The following PON3 variants were observed in gnomAD, a reference collection of about 807,000 sequenced individuals.
PON3 encodes serum paraoxonase/lactonase 3.
Under a neutral mutation model 36.3 loss-of-function variants are expected in PON3, and 37 were observed. The ratio of observed to expected loss-of-function variants is 1.02; its 90% confidence interval spans 0.78 to 1.34. The LOEUF is 1.34. Among genes scored for constraint, PON3 ranks in the 40% most tolerant of loss-of-function variants. The pLI, the probability that PON3 is intolerant of heterozygous loss-of-function variation, is 0.00. For missense variants in PON3, 415 were observed against 426.5 expected (o/e 0.97, Z 0.24); for synonymous variants, 155 against 154.8 (o/e 1.00, Z -0.01).
intron 3 of PON3, among the ~76,000 whole-genome samples, chr7:95,381,553 C>T (rs1014003977): frequency 6.6e-6 from 1 of 152,084 alleles, no homozygotes; most frequent in East Asian, 1.9e-4. Context: ...GGTTGCAATC[C>T]TAGTCTCTGA....
intron 8 of PON3, 106 bp downstream of exon 8, chr7:95,362,256 T>C: frequency 6.8e-7 from 1 of 1,464,060 alleles, no homozygotes; most frequent in East Asian, 2.3e-5. Flanking sequence ...TAAAATTTCT[T>C]TAGTTCTATA....
intron 4 of PON3, 34 bp downstream of exon 4, chr7:95,372,139 A>C: frequency 6.3e-7 from 1 of 1,599,048 alleles, no homozygotes; most frequent in Non-Finnish European, 8.6e-7. Flanking sequence ...TATTTCCCTC[A>C]TTTCCCCCTT....
chr7:95,391,395 A>G (rs1347491907), intron 2 of PON3, among the ~76,000 whole-genome samples: 2 of 152,236 alleles, frequency 1.3e-5, no homozygotes, highest in African/African-American at 4.8e-5. Flanking sequence ...TGCAGCTTTG[A>G]TTAGATGTCA....
At chr7:95,380,452 G>GA (rs1313169486) in intron 3 of PON3, among the ~76,000 whole-genome samples, 2 of 152,050 alleles carry the variant, frequency 1.3e-5, no homozygotes, top group African/African-American at 2.4e-5. Flanking sequence ...TAAAAACCTT[G>GA]AAAAAAGATT....
At chr7:95,372,461 G>A (rs1286335758) in intron 3 of PON3, 123 bp from the exon 4 acceptor site, 10 of 1,098,838 alleles carry the variant, frequency 9.1e-6, no homozygotes, top group African/African-American at 1.6e-5. Flanking sequence ...TAGATTACTG[G>A]GCTTTTTCAC....
intron 6 of PON3, among the ~76,000 whole-genome samples, chr7:95,363,081 G>C (rs1409231270): frequency 1.3e-5 from 2 of 151,648 alleles, no homozygotes; most frequent in African/African-American, 4.8e-5. Flanking sequence ...ACATATATAG[G>C]CTCAATCTTA....
intron 3 of PON3, among the ~76,000 whole-genome samples, chr7:95,376,603 T>G (rs1284494092): frequency 6.6e-6 from 1 of 151,808 alleles, no homozygotes; most frequent in African/African-American, 2.4e-5. Context: ...ATATACTTCC[T>G]GTATAGCAAT....
chr7:95,367,867 T>A (rs1270413462), intron 4 of PON3, among the ~76,000 whole-genome samples: 1 of 152,214 alleles, frequency 6.6e-6, no homozygotes, highest in African/African-American at 2.4e-5. Flanking sequence ...CAAACAAAAC[T>A]TTGCTGAGAT....
rs1808594389 is a variant in PON3 at position 95,362,505 on chromosome 7, G to A, written c.778-15C>T. The A allele has an allele frequency of 7.4e-6, 12 of 1,613,312 alleles. No individual in the cohort carries two copies. The East Asian group carries it at 2.7e-4, about 36-fold the overall frequency. ...AACTGTATCACCTTACAACAAAGAG[G>A]GAGTAGTGAAGACATTGTCTCAATG... On this transcript the variant is annotated splice_polypyrimidine_tract_variant and intron_variant, in intron 7 of 8. Coordinates refer to ENST00000265627, the MANE Select transcript of PON3 (RefSeq NM_000940.3).
intron 8 of PON3, 129 bp downstream of exon 8, chr7:95,362,233 C>T (rs1474416838): frequency 2.4e-6 from 3 of 1,268,504 alleles, no homozygotes; most frequent in East Asian, 2.5e-5. Context: ...AAAAACTTTA[C>T]TTTTCTCATA....
intron 7 of PON3, 26 bp downstream of exon 7, chr7:95,362,734 G>T (rs1384476989): frequency 1.3e-6 from 2 of 1,556,074 alleles, no homozygotes; most frequent in Non-Finnish European, 1.8e-6. Flanking sequence ...AAGTCAGATT[G>T]TGTGGGCCAG....
At chr7:95,360,212 A>G (rs1808536479) in intron 8 of PON3, 81 bp from the exon 9 acceptor site, 13 of 1,341,836 alleles carry the variant, frequency 9.7e-6, no homozygotes, top group Non-Finnish European at 1.2e-5. Flanking sequence ...ATTCTAGGAT[A>G]AATCTATTTT....
At chr7:95,360,257 A>G in intron 8 of PON3, 126 bp from the exon 9 acceptor site, 1 of 931,080 alleles carries the variant, frequency 1.1e-6, no homozygotes, top group Non-Finnish European at 1.7e-6. Flanking sequence ...TATATCTTCA[A>G]TAAATTGTTC....
Position 95,364,076 on chromosome 7 carries a change from G to A in PON3, c.495-13C>T, listed in dbSNP as rs778663275. 22 of 1,609,638 alleles carry A rather than the reference G, an allele frequency of 1.4e-5. No individual in the cohort carries two copies. The African/African-American group carries it at 2.8e-4, about 21-fold the overall frequency. ...AATGTCATTCACACTAAAGTGAAAG[G>A]GAGGTGGAAAAAGAGACCCATGAGG... On this transcript the variant is annotated splice_polypyrimidine_tract_variant and intron_variant, in intron 5 of 8. Transcript: ENST00000265627.
chr7:95,365,899 T>C (rs2116380156), intron 5 of PON3: 1 of 152,300 alleles, frequency 6.6e-6, no homozygotes, highest in East Asian at 1.9e-4. Flanking sequence ...AGGACACCAG[T>C]TCTACTGCAT....
intron 3 of PON3, among the ~76,000 whole-genome samples, chr7:95,382,091 C>A (rs190229304): frequency 2.6e-4 from 39 of 152,294 alleles, no homozygotes; most frequent in Admixed American, 1.4e-3. Flanking sequence ...ACAACCTGCT[C>A]CTGAATGACT....
chr7:95,396,256 CCCT>C lies in PON3; in HGVS notation c.74+18_74+20del, dbSNP rs1356528584. ...GAGGAGAGAAAGAGAGTCGAAGACG[CCCT>C]GTCAAGATGCCACTCACCTAAACGC... On this transcript the variant is annotated intron_variant, in intron 1 of 8. Transcript: ENST00000265627. The C allele has an allele frequency of 7.4e-6, 12 of 1,613,014 alleles. No homozygotes were observed. The highest frequency in any genetic ancestry group is 9.3e-6 in the Non-Finnish European group (11 of 1,179,160).
intron 3 of PON3, chr7:95,377,489 G>T (rs112090439): frequency 3.0e-6 from 1 of 335,504 alleles, no homozygotes; most frequent in South Asian, 2.2e-5. Context: ...TGACACCCAT[G>T]TAGCCTGACT....
intron 3 of PON3, 83 bp downstream of exon 3, chr7:95,390,071 T>A (rs1199533280): frequency 2.5e-5 from 34 of 1,376,996 alleles, no homozygotes; most frequent in Non-Finnish European, 3.4e-5. Context: ...TAGGGATCCA[T>A]CTGGCAGCTC....
Sources: allele counts gnomAD v4.1 joint callset (sites outside exome capture counted in the v4.1 genomes callset), GRCh38; gene constraint gnomAD v4.1.1; transcripts MANE v1.5; gene names NCBI Gene and HGNC (gene_info 2026-07-23, HGNC 2026-07-21).